The following TEAD1 variants were observed in gnomAD, a reference collection of about 807,000 sequenced individuals.
TEAD1 encodes TEA domain transcription factor 1, also known as transcriptional enhancer factor TEF-1.
A neutral mutation model predicts 54.9 loss-of-function variants in TEAD1; 9 were observed. That is an observed-to-expected ratio of 0.16 (90% confidence interval 0.10 to 0.29). The LOEUF is 0.29. Among genes scored for constraint, TEAD1 ranks in the 10% least tolerant of loss-of-function variants. TEAD1 has a pLI of 1.00. For missense variants in TEAD1, 387 were observed against 535.9 expected, an observed-to-expected ratio of 0.72 and a Z score of 2.74; for synonymous variants, 200 against 187.8, an observed-to-expected ratio of 1.07 and a Z score of -0.53.
chr11:12,684,210 C>A (rs983119841), intron 2 of TEAD1, among the ~76,000 whole-genome samples: 1 of 152,170 alleles, frequency 6.6e-6, no homozygotes, highest in Non-Finnish European at 1.5e-5. Flanking sequence ...TTGAACCACA[C>A]GTCCCTTATT....
chr11:12,789,350 T>G (rs1310485772), intron 3 of TEAD1, among the ~76,000 whole-genome samples: 1 of 152,198 alleles, frequency 6.6e-6, no homozygotes, highest in African/African-American at 2.4e-5. Context: ...GGCATTGCTT[T>G]TATTATTTAT....
chr11:12,803,237 A>G (rs1043853853), intron 3 of TEAD1, among the ~76,000 whole-genome samples: 1 of 151,684 alleles, frequency 6.6e-6, no homozygotes, highest in Non-Finnish European at 1.5e-5. Context: ...TTCCATGATT[A>G]GTCATCTTGA....
At chr11:12,920,576 G>A (rs192493789) in intron 10 of TEAD1, among the ~76,000 whole-genome samples, 6 of 152,126 alleles carry the variant, frequency 3.9e-5, no homozygotes, top group East Asian at 3.9e-4. Flanking sequence ...GGGCTTAAGC[G>A]AGCCTCCTGC....
chr11:12,799,119 A>G (rs1331184489), intron 3 of TEAD1, among the ~76,000 whole-genome samples: 1 of 152,200 alleles, frequency 6.6e-6, no homozygotes, highest in Non-Finnish European at 1.5e-5. Flanking sequence ...AACATGAGAA[A>G]TACATGTTTA....
chr11:12,923,539 C>T (rs1413045371), intron 10 of TEAD1, among the ~76,000 whole-genome samples: 1 of 152,152 alleles, frequency 6.6e-6, no homozygotes, highest in Non-Finnish European at 1.5e-5. Context: ...AGCATTGTGC[C>T]GGATGCGGAG....
chr11:12,826,024 A>G (rs1162784395), intron 3 of TEAD1, among the ~76,000 whole-genome samples: 1 of 152,240 alleles, frequency 6.6e-6, no homozygotes, highest in Non-Finnish European at 1.5e-5. Flanking sequence ...ATTTAACTCA[A>G]AATGGATCCT....
rs1226126201 is a variant in TEAD1 at position 12,702,058 on chromosome 11, G to T, written c.-55+26497G>T. ...GGGCCCTTTGATCTGCTCACAGACTGTGTAAATGGAGAGCTGAAGGAGATA... is the reference window on the plus strand; with the variant it reads ...GGGCCCTTTGATCTGCTCACAGACTTTGTAAATGGAGAGCTGAAGGAGATA... On this transcript the variant is annotated intron_variant, in intron 2 of 12. Coordinates refer to ENST00000527636, the MANE Select transcript of TEAD1 (RefSeq NM_021961.6). 3.9e-5 allele frequency among the ~76,000 whole-genome samples: 6 copies of T among 152,308 alleles called. No homozygotes were observed. The East Asian group carries it at 1.2e-3, about 29-fold the overall frequency.
intron 5 of TEAD1, among the ~76,000 whole-genome samples, chr11:12,870,767 T>G (rs984447659): frequency 6.6e-6 from 1 of 152,234 alleles, no homozygotes; most frequent in Admixed American, 6.5e-5. Context: ...GCACCGGCAG[T>G]TATAGCTACT....
chr11:12,873,989 G>T (rs1462883094), intron 5 of TEAD1, among the ~76,000 whole-genome samples: 1 of 152,184 alleles, frequency 6.6e-6, no homozygotes, highest in Non-Finnish European at 1.5e-5. Flanking sequence ...TAACTATCAA[G>T]AGTTTTTGAA....
intron 10 of TEAD1, among the ~76,000 whole-genome samples, chr11:12,904,428 G>A (rs928016872): frequency 6.6e-6 from 1 of 152,178 alleles, no homozygotes; most frequent in African/African-American, 2.4e-5. Flanking sequence ...TTGACAAAAT[G>A]TAATTTGATA....
chr11:12,882,744 G>A (rs538977473), intron 8 of TEAD1, among the ~76,000 whole-genome samples: 1 of 152,332 alleles, frequency 6.6e-6, no homozygotes, highest in South Asian at 2.1e-4. Flanking sequence ...TGCAGGATTA[G>A]ATGTCCTCAT....
intron 5 of TEAD1, chr11:12,879,496 G>A: frequency 1.5e-6 from 1 of 671,818 alleles, no homozygotes; most frequent in Middle Eastern, 3.8e-4. Flanking sequence ...AAAAAGCCTT[G>A]CCCCATTGGG....
rs1442659816 is a variant in TEAD1 at position 12,879,809 on chromosome 11, G to A, written c.432G>A (p.Gly144=). The change falls in exon 6 of 13, where the codon GGG becomes GGA. Residue 144 remains glycine (G), a synonymous_variant. Coordinates refer to ENST00000527636, the MANE Select transcript of TEAD1 (RefSeq NM_021961.6). ...TTCATAACAAGCTGGGGCTGCCTGG[G>A]ATTCCACGCCCGACCTTCCCAGGGG... 1 of 1,614,010 alleles carries A rather than the reference G, an allele frequency of 6.2e-7. No homozygotes were observed. The highest frequency in any genetic ancestry group is 8.5e-7 in the Non-Finnish European group (1 of 1,180,034).
In TEAD1 at chr11:12,758,943, T is replaced by C. The variant is rs559299584; in HGVS notation, c.-54-5236T>C. Among the ~76,000 whole-genome samples the C allele has an allele frequency of 1.6e-3, 237 of 152,264 alleles. 1 individual carries two copies. The highest frequency in any genetic ancestry group is 6.8e-3 in the Middle Eastern group (2 of 294). ...AGGCATACTGGAGCTACAGGTGCTG[T>C]GTGGTCCTGTGTTACTCAGGGGGAC... On this transcript the variant is annotated intron_variant, in intron 2 of 12. Transcript: ENST00000527636.
chr11:12,848,573 G>GAA (rs1157423582), intron 3 of TEAD1, among the ~76,000 whole-genome samples: 39 of 152,262 alleles, frequency 2.6e-4, no homozygotes, highest in African/African-American at 8.7e-4. Context: ...TAACTTCTTT[G>GAA]AACTGCAGTT....
At chr11:12,844,534 G>A (rs1298177095) in intron 3 of TEAD1, among the ~76,000 whole-genome samples, 3 of 152,138 alleles carry the variant, frequency 2.0e-5, no homozygotes, top group Non-Finnish European at 4.4e-5. Flanking sequence ...TGGGGGGCAG[G>A]GGTGGGGAAG....
chr11:12,933,560 T>C (rs1949050247), intron 12 of TEAD1, among the ~76,000 whole-genome samples: 1 of 152,216 alleles, frequency 6.6e-6, no homozygotes, highest in Admixed American at 6.5e-5. Flanking sequence ...ATTATTTTTA[T>C]TATGTCTTTT....
chr11:12,906,307 C>T (rs1365976800), intron 10 of TEAD1, among the ~76,000 whole-genome samples: 7 of 151,906 alleles, frequency 4.6e-5, no homozygotes, highest in South Asian at 2.1e-4. Flanking sequence ...TTTGGGAGGC[C>T]GAGATGGGCA....
At chr11:12,694,233 T>C (rs1051170048) in intron 2 of TEAD1, among the ~76,000 whole-genome samples, 4 of 152,174 alleles carry the variant, frequency 2.6e-5, no homozygotes. Context: ...GGATTCCATA[T>C]GTATAGTTGA....
Sources: allele counts gnomAD v4.1 joint callset (sites outside exome capture counted in the v4.1 genomes callset), GRCh38; gene constraint gnomAD v4.1.1; transcripts MANE v1.5; gene names NCBI Gene and HGNC (gene_info 2026-07-23, HGNC 2026-07-21).